RUSC2: variants seen among roughly 807,000 people sequenced by gnomAD.
RUSC2 encodes AP-4 complex accessory subunit RUSC2.
A neutral mutation model predicts 122.2 loss-of-function variants in RUSC2; 34 were observed. The ratio of observed to expected loss-of-function variants is 0.28; its 90% CI spans 0.21 to 0.37. The LOEUF (loss-of-function observed/expected upper bound fraction) is 0.37, where lower values mean the gene tolerates loss of function less well. Among genes scored for constraint, RUSC2 ranks in the 10% least tolerant of loss-of-function variants. The pLI is 1.00. For synonymous variants in RUSC2, 784 were observed against 790.0 expected (o/e 0.99, Z 0.13); for missense variants, 1,747 against 1,952.4 (o/e 0.89, Z 1.98).
At chr9:35,542,398 G>A (rs1821658860) in intron 1 of RUSC2, among the ~76,000 whole-genome samples, 1 of 152,128 alleles carries the variant, frequency 6.6e-6, no homozygotes. Context: ...TTTAACCATA[G>A]AGAAACAAAC....
chr9:35,547,399 G>A lies in RUSC2; in HGVS notation c.878G>A (p.Gly293Asp). The stretch of plus-strand genomic sequence containing the variant: ...AGCACCCTCTACAACAAGATGCATG[G>A]CACCCCCCGTGCCAATCTCAACTCT... ...TFSTLYNKMH[G>D]TPRANLNSAP... is the part of the protein sequence containing the mutation. Residue 293 changes from glycine (G) to aspartate (D), a missense_variant, in exon 2 of 12, where the codon GGC becomes GAC. Coordinates refer to ENST00000361226, the MANE Select transcript of RUSC2 (RefSeq NM_014806.5). This position sits in a 1 kb window ranked among gnomAD's most constrained non-coding sequence, Gnocchi z 4.6. 2.5e-6 allele frequency: 4 copies of A among 1,614,116 alleles called. No homozygotes were observed. Among genetic ancestry groups the A allele is most frequent in the Non-Finnish European group, 3.4e-6 (4 of 1,180,022 alleles).
At chr9:35,501,911 A>G (rs10758307) in intron 1 of RUSC2, among the ~76,000 whole-genome samples, 26,247 of 152,080 alleles carry the variant, frequency 0.17, 2,430 homozygotes, top group Admixed American at 0.26. Flanking sequence ...TTTTCTAGCC[A>G]TGCTTTCTAG....
intron 1 of RUSC2, among the ~76,000 whole-genome samples, chr9:35,533,046 G>T (rs1488567778): frequency 2.6e-5 from 4 of 151,892 alleles, no homozygotes; most frequent in Non-Finnish European, 4.4e-5. Flanking sequence ...AGGAGTTCGA[G>T]ACCAGCCTGG....
At chr9:35,516,186 T>C (rs1251127342) in intron 1 of RUSC2, among the ~76,000 whole-genome samples, 4 of 152,040 alleles carry the variant, frequency 2.6e-5, no homozygotes, top group African/African-American at 9.7e-5. Flanking sequence ...TAACCATTTC[T>C]ATATCATTCT....
chr9:35,548,291 C>T lies in RUSC2; in HGVS notation c.1770C>T (p.Gly590=), dbSNP rs747453132. The change falls in exon 2 of 12, where the codon GGC becomes GGT. Residue 590 remains glycine (G), a synonymous_variant. Transcript: ENST00000361226. This position sits in a 1 kb window ranked among gnomAD's most constrained non-coding sequence, Gnocchi z 4.5. Reference sequence around the variant, plus strand: ...ATCGGGGGGCCCCACTGGATGAGGGCACTTGCTGTAGCCATAGCCTGCCAC... The same window carrying T: ...ATCGGGGGGCCCCACTGGATGAGGGTACTTGCTGTAGCCATAGCCTGCCAC... The part of the protein sequence containing the change: ...QQDRGAPLDE[G]TCCSHSLPPM... 2 of 1,613,922 alleles carry T rather than the reference C, an allele frequency of 1.2e-6. No individual in the cohort carries two copies. The highest frequency in any genetic ancestry group is 1.3e-5 in the African/African-American group (1 of 74,960).
chr9:35,496,851 T>A (rs1820725339), intron 1 of RUSC2, among the ~76,000 whole-genome samples: 1 of 152,190 alleles, frequency 6.6e-6, no homozygotes. Context: ...ACATGGCCAC[T>A]CACTTGACAG....
At position 35,548,850 on chromosome 9, in the gene RUSC2, T is replaced by G; in HGVS notation, c.2014+315T>G. 1.6e-6 allele frequency: 1 copy of G among 635,484 alleles called. No individual in the cohort carries two copies. The highest frequency in any genetic ancestry group is 7.0e-5 in the South Asian group (1 of 14,298). The allele number at this position is 635,484 out of a possible 1,614,324, so 39.4% of individuals were successfully genotyped here. On this transcript the variant is annotated intron_variant, in intron 2 of 11. Transcript: ENST00000361226. This position sits in a 1 kb window ranked among gnomAD's most constrained non-coding sequence, Gnocchi z 4.5. ...TTTGAGACCAGCCTGGCCAACATAATGAAACCCCAGCTCTACTAAAATAAA... is the reference window on the plus strand; with the variant it reads ...TTTGAGACCAGCCTGGCCAACATAAGGAAACCCCAGCTCTACTAAAATAAA...
intron 1 of RUSC2, among the ~76,000 whole-genome samples, chr9:35,494,712 G>C (rs1454473893): frequency 6.6e-6 from 1 of 151,160 alleles, no homozygotes; most frequent in Non-Finnish European, 1.5e-5. Context: ...TGTATGATTT[G>C]CAAATATTTT....
intron 1 of RUSC2, among the ~76,000 whole-genome samples, chr9:35,522,714 ATAGAG>A (rs774217743): frequency 1.3e-5 from 2 of 152,200 alleles, no homozygotes; most frequent in East Asian, 1.9e-4. Flanking sequence ...AGATCAGAGA[ATAGAG>A]TACAGTATGT....
rs1822173728 is a variant in RUSC2, at chr9:35,561,446, C to T, written c.*64C>T. ...CCCCCAGACTCAGAGCCCGAGAGCC[C>T]TTCCCAAGCCATTGGCTTGGCTGCA... On this transcript the variant is annotated 3_prime_UTR_variant, in exon 12 of 12. Transcript: ENST00000361226. 8 of 1,394,678 alleles carry T rather than the reference C, an allele frequency of 5.7e-6. No individual in the cohort carries two copies. Among genetic ancestry groups the T allele is most frequent in the Non-Finnish European group, 7.8e-6 (8 of 1,019,138 alleles). The allele number at this position is 1,394,678 out of a possible 1,614,324, so 86.4% of individuals were successfully genotyped here. A position where few individuals can be genotyped will look rare whatever the true frequency, so the allele number is the denominator to read the frequency against.
chr9:35,507,461 T>G (rs1820935362), intron 1 of RUSC2: 1 of 153,448 alleles, frequency 6.5e-6, no homozygotes, highest in African/African-American at 2.4e-5. Context: ...CTTCTCCATG[T>G]CTGTACTCAA....
At chr9:35,504,460 G>T (rs1471509910) in intron 1 of RUSC2, among the ~76,000 whole-genome samples, 7 of 146,962 alleles carry the variant, frequency 4.8e-5, no homozygotes, top group South Asian at 2.1e-4. Context: ...AGTTTTTTGG[G>T]TTTTTTTTCT....
intron 2 of RUSC2, among the ~76,000 whole-genome samples, chr9:35,550,721 C>T (rs1821873387): frequency 1.3e-5 from 2 of 152,102 alleles, no homozygotes; most frequent in Admixed American, 1.3e-4. Context: ...GAAGGGGATA[C>T]TGTGACTTAA....
Position 35,548,589 on chromosome 9 carries a change from TGGCCACCTCCCTGACAG to T in RUSC2, c.2014+56_2014+72del, listed in dbSNP as rs1821823434. On this transcript the variant is annotated intron_variant, in intron 2 of 11. Coordinates refer to ENST00000361226, the MANE Select transcript of RUSC2 (RefSeq NM_014806.5). This position sits in a 1 kb window ranked among gnomAD's most constrained non-coding sequence, Gnocchi z 4.5. ...TGGCTATTCACCAGCAGGATATGCA[TGGCCACCTCCCTGACAG>T]GTCCCTGCCAGACCACCCCATCCAT... The T allele has an allele frequency of 6.6e-7, 1 of 1,520,914 alleles. No homozygotes were observed. Among genetic ancestry groups the T allele is most frequent in the Non-Finnish European group, 8.8e-7 (1 of 1,140,022 alleles). 94.2% of individuals were successfully genotyped at this position (1,520,914 alleles called of 1,614,324 possible).
intron 1 of RUSC2, among the ~76,000 whole-genome samples, chr9:35,510,895 A>G (rs1291917340): frequency 6.6e-6 from 1 of 152,216 alleles, no homozygotes; most frequent in Non-Finnish European, 1.5e-5. Flanking sequence ...TAAATGGACT[A>G]TGCTATTTGC....
At chr9:35,551,233 G>A (rs1821887771) in intron 2 of RUSC2, among the ~76,000 whole-genome samples, 1 of 152,220 alleles carries the variant, frequency 6.6e-6, no homozygotes, top group Non-Finnish European at 1.5e-5. Context: ...AGATCTCAGA[G>A]GGTTTAGAAG....
At position 35,558,273 on chromosome 9, in the gene RUSC2, C is replaced by T; in HGVS notation, c.3137C>T (p.Ala1046Val). 1 of 1,614,192 alleles carries T rather than the reference C, an allele frequency of 6.2e-7. No individual in the cohort carries two copies. Among genetic ancestry groups the T allele is most frequent in the Non-Finnish European group, 8.5e-7 (1 of 1,180,036 alleles). ...AAGTACTTGTGCCCTGCCGTCCGCG[C>T]CGTGCTGGAGGATGGGCTCAAGGCC... ...VLKYLCPAVR[A>V]VLEDGLKAFV... Residue 1046 changes from alanine (A) to valine (V), a missense_variant, in exon 7 of 12, where the codon GCC (alanine) becomes GTC (valine). Coordinates refer to ENST00000361226, the MANE Select transcript of RUSC2 (RefSeq NM_014806.5). The surrounding 1 kb of genome is among the most constrained non-coding windows in gnomAD (Gnocchi z 4.3).
intron 1 of RUSC2, among the ~76,000 whole-genome samples, chr9:35,524,988 CT>C: frequency 6.6e-6 from 1 of 150,904 alleles, no homozygotes; most frequent in South Asian, 2.1e-4. Flanking sequence ...AAAAAAAACT[CT>C]GGTAATCCCT....
At chr9:35,514,633 AT>A (rs2132509351) in intron 1 of RUSC2, among the ~76,000 whole-genome samples, 1 of 152,302 alleles carries the variant, frequency 6.6e-6, no homozygotes, top group Admixed American at 6.5e-5. Flanking sequence ...GTAGCAATAG[AT>A]ATGAGTAACA....
Sources: gnomAD v4.1 joint callset for allele counts (sites outside exome capture counted in the v4.1 genomes callset) on GRCh38, gnomAD v4.1.1 for gene constraint, Gnocchi (gnomAD v3.1) non-coding constraint, MANE v1.5 for transcripts, NCBI Gene and HGNC (gene_info 2026-07-23, HGNC 2026-07-21) for gene names.